Variants in CHST9 observed in about 807,000 individuals in gnomAD.
CHST9 encodes the protein GalNAc-4-sulfotransferase 2.
In CHST9, 41 loss-of-function variants were observed where a neutral mutation model predicts 44.4. That is an observed-to-expected ratio of 0.92 (90% CI 0.72 to 1.20). The LOEUF (loss-of-function observed/expected upper bound fraction) is 1.20, where lower values mean the gene tolerates loss of function less well. Ranked by LOEUF, CHST9 falls within the 50% of genes most tolerant of loss-of-function variation. The pLI is 0.00. For synonymous variants in CHST9, 171 were observed against 178.4 expected (o/e 0.96, Z 0.33); for missense variants, 504 against 516.5 (o/e 0.98, Z 0.23).
At chr18:26,953,727 T>A (rs1174371408) in intron 4 of CHST9, among the ~76,000 whole-genome samples, 2 of 152,196 alleles carry the variant, frequency 1.3e-5, no homozygotes, top group Non-Finnish European at 2.9e-5. Flanking sequence ...TCAGGTGTCA[T>A]GTATGGATGG....
chr18:27,131,221 C>T (rs891537859), intron 2 of CHST9, among the ~76,000 whole-genome samples: 1 of 151,738 alleles, frequency 6.6e-6, no homozygotes, highest in Non-Finnish European at 1.5e-5. Context: ...TAAATAGACC[C>T]CTCCTGGCCC....
chr18:26,931,338 T>A (rs1284421628), intron 5 of CHST9, among the ~76,000 whole-genome samples: 3 of 152,180 alleles, frequency 2.0e-5, no homozygotes, highest in Admixed American at 1.3e-4. Flanking sequence ...GACTGTCCAC[T>A]GAAGGGGTAA....
At chr18:27,036,177 T>C (rs190493761) in intron 3 of CHST9, among the ~76,000 whole-genome samples, 9 of 152,124 alleles carry the variant, frequency 5.9e-5, no homozygotes, top group Admixed American at 5.9e-4. Context: ...TTCAGGTTGG[T>C]GAAAAGAGAG....
chr18:27,070,619 C>T (rs2057828086), intron 2 of CHST9, among the ~76,000 whole-genome samples: 1 of 152,192 alleles, frequency 6.6e-6, no homozygotes. Flanking sequence ...TTGAGACTTA[C>T]CATATGTCAG....
At position 26,916,328 on chromosome 18, in the gene CHST9, C is replaced by G; in HGVS notation, c.1263G>C (p.Glu421Asp). The G allele has an allele frequency of 6.2e-7, 1 of 1,611,254 alleles. No homozygotes were observed. The highest frequency in any genetic ancestry group is 8.5e-7 in the Non-Finnish European group (1 of 1,177,608). Residue 421 changes from glutamate to aspartate, a missense_variant, in exon 6 of 6, where the codon GAG becomes GAC. By Grantham distance (45) the Glu-to-Asp change is conservative (BLOSUM62 2). Transcript: ENST00000618847. ...RQYLKDLTRT[E>D]RQLIYDFYYL... is the part of the protein sequence containing the mutation. ...AATAAAAGTCATAGATTAATTGTCTCTCAGTTCTAGTCAGATCCTTTAAAT... is the reference window on the plus strand; with the variant it reads ...AATAAAAGTCATAGATTAATTGTCTGTCAGTTCTAGTCAGATCCTTTAAAT...
At chr18:26,995,228 C>T (rs1397923794) in intron 4 of CHST9, among the ~76,000 whole-genome samples, 1 of 148,594 alleles carries the variant, frequency 6.7e-6, no homozygotes, top group Non-Finnish European at 1.5e-5. Context: ...TCAAGACAAT[C>T]CTGGCTAACA....
chr18:26,996,375 G>A (rs972848026), intron 4 of CHST9, among the ~76,000 whole-genome samples: 2 of 152,140 alleles, frequency 1.3e-5, no homozygotes, highest in Non-Finnish European at 2.9e-5. Context: ...CCTGGTAGGA[G>A]GTGTTTGGGT....
intron 1 of CHST9, among the ~76,000 whole-genome samples, chr18:27,166,683 A>T (rs2058793172): frequency 6.6e-6 from 1 of 152,206 alleles, no homozygotes; most frequent in African/African-American, 2.4e-5. Context: ...TTTCTTAAAC[A>T]TTGCTTTTTA....
chr18:27,004,551 C>A (rs1052328125), intron 4 of CHST9, among the ~76,000 whole-genome samples: 2 of 152,034 alleles, frequency 1.3e-5, no homozygotes, highest in Non-Finnish European at 2.9e-5. Context: ...TTTTTTCCCT[C>A]TCTTGGAAAG....
At chr18:27,102,066 C>A (rs895530576) in intron 2 of CHST9, among the ~76,000 whole-genome samples, 1 of 152,066 alleles carries the variant, frequency 6.6e-6, no homozygotes, top group African/African-American at 2.4e-5. Flanking sequence ...AAGAATTTTC[C>A]CAGGGTTATG....
intron 3 of CHST9, among the ~76,000 whole-genome samples, chr18:27,028,235 T>A (rs1176548790): frequency 6.6e-6 from 1 of 152,170 alleles, no homozygotes. Context: ...TTATTTTTAG[T>A]AACTCAATTT....
intron 4 of CHST9, among the ~76,000 whole-genome samples, chr18:27,023,797 A>C (rs1490970198): frequency 6.6e-6 from 1 of 152,238 alleles, no homozygotes; most frequent in Non-Finnish European, 1.5e-5. Context: ...AGTACTTTTA[A>C]AATAAAAATA....
At chr18:27,100,225 A>G (rs1035050314) in intron 2 of CHST9, among the ~76,000 whole-genome samples, 1 of 152,088 alleles carries the variant, frequency 6.6e-6, no homozygotes, top group Non-Finnish European at 1.5e-5. Flanking sequence ...TATGGACATA[A>G]ATAGGACAAC....
At chr18:27,146,686 A>G (rs912283169) in intron 1 of CHST9, among the ~76,000 whole-genome samples, 8 of 152,208 alleles carry the variant, frequency 5.3e-5, no homozygotes, top group African/African-American at 1.9e-4. Context: ...GGTACTTAAA[A>G]ACTTGTTGCA....
At chr18:26,920,626 A>T (rs571662623) in intron 5 of CHST9, among the ~76,000 whole-genome samples, 6 of 152,232 alleles carry the variant, frequency 3.9e-5, no homozygotes, top group Non-Finnish European at 4.4e-5. Flanking sequence ...ATTCTTGAAT[A>T]AGTAAATGTG....
chr18:27,084,717 TG>T (rs1164001923), intron 2 of CHST9, among the ~76,000 whole-genome samples: 2 of 152,054 alleles, frequency 1.3e-5, no homozygotes, highest in African/African-American at 4.8e-5. Context: ...CTCTTGTTTT[TG>T]TATTCCCACA....
Position 26,945,241 on chromosome 18 carries a change from T to C in CHST9, c.203-875A>G, listed in dbSNP as rs558360562. Reference sequence around the variant, plus strand: ...TAATTGAAATAACTGTTGAGTCACATGTAGTTGTAAGAAATAATGCAGAGA... The same window carrying C: ...TAATTGAAATAACTGTTGAGTCACACGTAGTTGTAAGAAATAATGCAGAGA... On this transcript the variant is annotated intron_variant, in intron 4 of 5. Coordinates refer to ENST00000618847, the MANE Select transcript of CHST9 (RefSeq NM_031422.6). Among the ~76,000 whole-genome samples the C allele has an allele frequency of 2.0e-5, 3 of 152,348 alleles. No individual in the cohort carries two copies. In the South Asian group the frequency reaches 6.2e-4, roughly 32 times the overall value.
chr18:27,076,057 C>G (rs1436201920), intron 2 of CHST9, among the ~76,000 whole-genome samples: 1 of 152,168 alleles, frequency 6.6e-6, no homozygotes, highest in African/African-American at 2.4e-5. Context: ...TTATCGCATC[C>G]TCCGCTTCAA....
chr18:27,045,273 G>A (rs2057486818), intron 3 of CHST9, among the ~76,000 whole-genome samples: 2 of 151,946 alleles, frequency 1.3e-5, no homozygotes, highest in South Asian at 2.1e-4. Context: ...AACAGATGGT[G>A]TTCCCCTAGT....
Sources: allele counts gnomAD v4.1 joint callset (sites outside exome capture counted in the v4.1 genomes callset), GRCh38; gene constraint gnomAD v4.1.1; transcripts MANE v1.5; gene names NCBI Gene and HGNC (gene_info 2026-07-23, HGNC 2026-07-21).